VPS18: variants seen among roughly 807,000 people sequenced by gnomAD.
VPS18 encodes vacuolar protein sorting-associated protein 18 homolog.
In VPS18, 25 loss-of-function variants were observed where a neutral mutation model predicts 82.0. The ratio of observed to expected loss-of-function variants is 0.30; its 90% CI spans 0.22 to 0.43. The LOEUF is 0.43. Ranked by LOEUF, VPS18 falls within the 20% of genes least tolerant of loss-of-function variation. The pLI is 1.00. For synonymous variants in VPS18, 523 were observed against 543.0 expected (o/e 0.96, Z 0.51); for missense variants, 1,168 against 1,311.1 (o/e 0.89, Z 1.69).
intron 2 of VPS18, among the ~76,000 whole-genome samples, chr15:40,898,402 G>C (rs1402680060): frequency 6.6e-6 from 1 of 151,768 alleles, no homozygotes; most frequent in Non-Finnish European, 1.5e-5. Context: ...CCTGGCAAGA[G>C]AGTTCTTAAG....
chr15:40,902,381 G>A lies in VPS18; in HGVS notation c.2197-235G>A, dbSNP rs1892373901. On this transcript the variant is annotated intron_variant, in intron 4 of 4. Coordinates refer to ENST00000220509, the MANE Select transcript of VPS18 (RefSeq NM_020857.3). This position sits in a 1 kb window ranked among gnomAD's most constrained non-coding sequence, Gnocchi z 4.2. ...GCCTGCCTTGGCCTCCCAAAATGCT[G>A]GGATTATAGGCCTGAGCCACTGCGC... Among the ~76,000 whole-genome samples, 1 of 152,278 alleles carries A rather than the reference G, an allele frequency of 6.6e-6. No individual in the cohort carries two copies. Among genetic ancestry groups the A allele is most frequent in the Admixed American group, 6.5e-5 (1 of 15,292 alleles).
In VPS18 at chr15:40,902,108, CTTTCTTTCTTT is replaced by C. The variant is rs1333109326; in HGVS notation, c.2197-504_2197-494del. 2.7e-5 allele frequency among the ~76,000 whole-genome samples: 4 copies of C among 149,922 alleles called. No homozygotes were observed. The highest frequency in any genetic ancestry group is 9.9e-5 in the African/African-American group (4 of 40,368). On this transcript the variant is annotated intron_variant, in intron 4 of 4. Transcript: ENST00000220509. This position sits in a 1 kb window ranked among gnomAD's most constrained non-coding sequence, Gnocchi z 4.2. ...TCCCAGGTGATTTCTTTCTTTCTTT[CTTTCTTTCTTT>C]TTTTTTTTTTTGAGACGGAGTCTTG... is the stretch of plus-strand genomic sequence containing the variant.
In VPS18 at chr15:40,900,738, G is replaced by A. The variant is rs1439983182; in HGVS notation, c.1920G>A (p.Gln640=). The A allele has an allele frequency of 6.2e-7, 1 of 1,614,194 alleles. No homozygotes were observed. The highest frequency in any genetic ancestry group is 8.5e-7 in the Non-Finnish European group (1 of 1,180,036). ...LVNYSQGGEV[Q]QVSQAIRYME... The stretch of plus-strand genomic sequence containing the variant: ...ACTACAGCCAGGGTGGTGAGGTCCA[G>A]CAGGTGAGCCAGGCCATCCGCTACA... The change falls in exon 4 of 5, where the codon CAG becomes CAA. Residue 640 remains glutamine, a synonymous_variant. Transcript: ENST00000220509. This position sits in a 1 kb window ranked among gnomAD's most constrained non-coding sequence, Gnocchi z 5.4.
intron 2 of VPS18, among the ~76,000 whole-genome samples, chr15:40,898,498 G>T (rs1380170793): frequency 6.7e-6 from 1 of 149,032 alleles, no homozygotes; most frequent in African/African-American, 2.5e-5. Flanking sequence ...TTGAGATGAG[G>T]TCTCACTCTG....
chr15:40,898,499 T>A (rs1341818824), intron 2 of VPS18, among the ~76,000 whole-genome samples: 2 of 147,884 alleles, frequency 1.4e-5, no homozygotes, highest in African/African-American at 5.0e-5. Flanking sequence ...TGAGATGAGG[T>A]CTCACTCTGT....
At chr15:40,894,973 G>T in intron 1 of VPS18, 114 bp downstream of exon 1, 1 of 1,064,682 alleles carries the variant, frequency 9.4e-7, no homozygotes, top group Non-Finnish European at 1.3e-6. Flanking sequence ...TGCCTTCCGG[G>T]TCTAGGCCCC....
At position 40,900,243 on chromosome 15, in the gene VPS18, A is replaced by C. The variant is rs1274835353; in HGVS notation, c.1425A>C (p.Arg475=). 6.2e-7 allele frequency: 1 copy of C among 1,613,618 alleles called. No homozygotes were observed. The highest frequency in any genetic ancestry group is 2.2e-5 in the East Asian group (1 of 44,874). ...AGGCTCTGGCTGAGTTCCTGCAGCG[A>C]AAACTGGCCAGTTTGAAGCCAGCCG... is the stretch of plus-strand genomic sequence containing the variant. ...QEEALAEFLQ[R]KLASLKPAER... is the part of the protein sequence containing the mutation. Residue 475 remains arginine, a synonymous_variant, in exon 4 of 5, where the codon CGA becomes CGC. Coordinates refer to ENST00000220509, the MANE Select transcript of VPS18 (RefSeq NM_020857.3). This position sits in a 1 kb window ranked among gnomAD's most constrained non-coding sequence, Gnocchi z 5.4.
At chr15:40,896,621 G>A (rs909575484) in intron 2 of VPS18, among the ~76,000 whole-genome samples, 1 of 151,986 alleles carries the variant, frequency 6.6e-6, no homozygotes, top group African/African-American at 2.4e-5. Context: ...CACCAGCCTG[G>A]CCAACATGGT....
rs1356122908 is a variant in VPS18 at position 40,902,206 on chromosome 15, A to G, written c.2197-410A>G. On this transcript the variant is annotated intron_variant, in intron 4 of 4. Transcript: ENST00000220509. This position sits in a 1 kb window ranked among gnomAD's most constrained non-coding sequence, Gnocchi z 4.2. Reference sequence around the variant, plus strand: ...CGGCTCACTGCAAGCTCAGCCTCCCAGGTTCACGCCATTCTCCTGGCTCAG... The same window carrying G: ...CGGCTCACTGCAAGCTCAGCCTCCCGGGTTCACGCCATTCTCCTGGCTCAG... 6.7e-6 allele frequency among the ~76,000 whole-genome samples: 1 copy of G among 149,384 alleles called. No individual in the cohort carries two copies. Among genetic ancestry groups the G allele is most frequent in the African/African-American group, 2.5e-5 (1 of 40,438 alleles).
chr15:40,900,305 CAG>C lies in VPS18; in HGVS notation c.1490_1491del (p.Glu497AlafsTer48). Reference sequence around the variant, plus strand: ...GCCACACTGCTGACCACCTGGCTGACAGAGCTCTACCTGAGCCGGCTTGGGGC... The same window carrying C: ...GCCACACTGCTGACCACCTGGCTGACAGCTCTACCTGAGCCGGCTTGGGGC... On this transcript the variant is annotated frameshift_variant, in exon 4 of 5. Transcript: ENST00000220509. LOFTEE classifies it high-confidence loss of function. This position sits in a 1 kb window ranked among gnomAD's most constrained non-coding sequence, Gnocchi z 5.4. 1 of 1,613,770 alleles carries C rather than the reference CAG, an allele frequency of 6.2e-7. No homozygotes were observed. The highest frequency in any genetic ancestry group is 8.5e-7 in the Non-Finnish European group (1 of 1,180,016).
chr15:40,898,587 C>T (rs919778290), intron 2 of VPS18: 101 of 386,992 alleles, frequency 2.6e-4, no homozygotes, highest in African/African-American at 1.7e-3. Context: ...TCTCCCACCT[C>T]AGCCTCCCAA....
In VPS18 at chr15:40,899,194, C is replaced by T. The variant is rs959839507; in HGVS notation, c.376C>T (p.Arg126Ter). Reference sequence around the variant, plus strand: ...CAGCACGGAGGTCCTCTACGTGAACCGAAATGGACAGAAGGTACGGCCACT... The same window carrying T: ...CAGCACGGAGGTCCTCTACGTGAACTGAAATGGACAGAAGGTACGGCCACT... ...LSSTEVLYVN[R>*]NGQKVRPLAR... The change falls in exon 4 of 5, where the codon CGA (arginine) becomes TGA (stop). Residue 126 changes from arginine to a stop codon, truncating the protein, a stop_gained. Coordinates refer to ENST00000220509, the MANE Select transcript of VPS18 (RefSeq NM_020857.3). LOFTEE classifies it high-confidence loss of function. The surrounding 1 kb of genome is among the most constrained non-coding windows in gnomAD (Gnocchi z 4.4). The T allele has an allele frequency of 1.9e-6, 3 of 1,614,126 alleles. No homozygotes were observed. Among genetic ancestry groups the T allele is most frequent in the Non-Finnish European group, 2.5e-6 (3 of 1,180,026 alleles).
chr15:40,898,285 A>G (rs1892269363), intron 2 of VPS18, among the ~76,000 whole-genome samples: 1 of 148,324 alleles, frequency 6.7e-6, no homozygotes. Context: ...TTTTGTGGAG[A>G]ACACGGTCTT....
chr15:40,899,895 C>G lies in VPS18; in HGVS notation c.1077C>G (p.Phe359Leu). The G allele has an allele frequency of 6.2e-7, 1 of 1,610,856 alleles. No individual in the cohort carries two copies. Residue 359 changes from phenylalanine to leucine, a missense_variant, in exon 4 of 5, where the codon TTC becomes TTG. Transcript: ENST00000220509. The surrounding 1 kb of genome is among the most constrained non-coding windows in gnomAD (Gnocchi z 4.4). Reference sequence around the variant, plus strand: ...GGCAGGTGGTGCTGCGGGATCACTTCCTGGAGAAATTTGGGCCGCTGAAGC... The same window carrying G: ...GGCAGGTGGTGCTGCGGGATCACTTGCTGGAGAAATTTGGGCCGCTGAAGC... ...LTGQVVLRDHFLEKFGPLKHM... is the reference protein window; with the variant it reads ...LTGQVVLRDHLLEKFGPLKHM...
chr15:40,899,027 G>T lies in VPS18; in HGVS notation c.325+29G>T, dbSNP rs762309994. On this transcript the variant is annotated intron_variant, in intron 3 of 4. Coordinates refer to ENST00000220509, the MANE Select transcript of VPS18 (RefSeq NM_020857.3). This position sits in a 1 kb window ranked among gnomAD's most constrained non-coding sequence, Gnocchi z 4.4. ...AGTAACAGTGGAGATCTGAGGAGGG[G>T]GTCTCTGGTCAGTCACTGCCTGGGT... is the stretch of plus-strand genomic sequence containing the variant. 2 of 1,613,182 alleles carry T rather than the reference G, an allele frequency of 1.2e-6. No individual in the cohort carries two copies. The highest frequency in any genetic ancestry group is 2.2e-5 in the South Asian group (2 of 91,000).
rs765409184 is a variant in VPS18 at position 40,899,634 on chromosome 15, C to T, written c.816C>T (p.Phe272=). The T allele has an allele frequency of 1.9e-6, 3 of 1,612,474 alleles. No individual in the cohort carries two copies. The highest frequency in any genetic ancestry group is 2.2e-5 in the South Asian group (2 of 91,090). ...PSNLGYSELA[F]YTPKLRSAPR... Reference sequence around the variant, plus strand: ...ACCTGGGCTACAGTGAGTTGGCCTTCTACACCCCCAAGCTGCGCTCCGCAC... The same window carrying T: ...ACCTGGGCTACAGTGAGTTGGCCTTTTACACCCCCAAGCTGCGCTCCGCAC... Residue 272 remains phenylalanine (F), a synonymous_variant, in exon 4 of 5, where the codon TTC becomes TTT. Transcript: ENST00000220509. The surrounding 1 kb of genome is among the most constrained non-coding windows in gnomAD (Gnocchi z 4.4).
rs202222195 is a variant in VPS18 at position 40,899,989 on chromosome 15, G to A, written c.1171G>A (p.Val391Met). 2.9e-5 allele frequency: 47 copies of A among 1,613,970 alleles called. No homozygotes were observed. Among genetic ancestry groups the A allele is most frequent in the East Asian group, 6.7e-5 (3 of 44,894 alleles). Residue 391 changes from valine to methionine, a missense_variant, in exon 4 of 5, where the codon GTG becomes ATG. Physicochemically the swap from Val to Met is conservative, Grantham distance 21. Around this residue, in one of 3 missense-constraint regions of VPS18, gnomAD observed 868 missense variants for 939.8 expected, o/e 0.92. Transcript: ENST00000220509. This position sits in a 1 kb window ranked among gnomAD's most constrained non-coding sequence, Gnocchi z 4.4. Reference sequence around the variant, plus strand: ...TGAGCGGGCTGTCTTCCGCTACCACGTGCAACGGGAGGCCCGAGATGTCTG... The same window carrying A: ...TGAGCGGGCTGTCTTCCGCTACCACATGCAACGGGAGGCCCGAGATGTCTG... ...YTERAVFRYH[V>M]QREARDVWRT... is the part of the protein sequence containing the mutation.
Position 40,894,750 on chromosome 15 carries a change from A to T in VPS18, c.-19A>T. 6.5e-7 allele frequency: 1 copy of T among 1,539,730 alleles called. No individual in the cohort carries two copies. Among genetic ancestry groups the T allele is most frequent in the Non-Finnish European group, 8.8e-7 (1 of 1,140,752 alleles). The stretch of plus-strand genomic sequence containing the variant: ...TGTAATCCCCAGGCCCCGGACAAAG[A>T]GCCCAGAGGCCGGGCACCATGGCGT... On this transcript the variant is annotated 5_prime_UTR_variant, in exon 1 of 5. Transcript: ENST00000220509.
chr15:40,899,994 A>C lies in VPS18; in HGVS notation c.1176A>C (p.Gln392His). Residue 392 changes from glutamine (Q) to histidine (H), a missense_variant, in exon 4 of 5, where the codon CAA becomes CAC. Coordinates refer to ENST00000220509, the MANE Select transcript of VPS18 (RefSeq NM_020857.3). The surrounding 1 kb of genome is among the most constrained non-coding windows in gnomAD (Gnocchi z 4.4). ...TERAVFRYHV[Q>H]REARDVWRTY... The stretch of plus-strand genomic sequence containing the variant: ...GGGCTGTCTTCCGCTACCACGTGCA[A>C]CGGGAGGCCCGAGATGTCTGGCGCA... 2 of 1,614,060 alleles carry C rather than the reference A, an allele frequency of 1.2e-6. No homozygotes were observed. Among genetic ancestry groups the C allele is most frequent in the Non-Finnish European group, 8.5e-7 (1 of 1,180,034 alleles).
Sources: gnomAD v4.1 joint callset for allele counts (sites outside exome capture counted in the v4.1 genomes callset) on GRCh38, gnomAD v4.1.1 for gene constraint, gnomAD v4.1.1 regional missense constraint, Gnocchi (gnomAD v3.1) non-coding constraint, MANE v1.5 for transcripts, NCBI Gene and HGNC (gene_info 2026-07-23, HGNC 2026-07-21) for gene names.